Variants in PCGF2 observed in about 807,000 individuals in gnomAD.
PCGF2 encodes polycomb group ring finger 2, also known as polycomb group RING finger protein 2.
A neutral mutation model predicts 36.1 loss-of-function variants in PCGF2; 8 were observed. The observed-to-expected ratio is 0.22, with a 90% CI of 0.13 to 0.40. PCGF2 has a LOEUF of 0.40. Ranked by LOEUF, PCGF2 falls within the 10% of genes least tolerant of loss-of-function variation. PCGF2 has a pLI of 1.00. For missense variants in PCGF2, 436 were observed against 475.9 expected (o/e 0.92, Z 0.78); for synonymous variants, 198 against 191.2 (o/e 1.04, Z -0.29).
intron 2 of PCGF2, among the ~76,000 whole-genome samples, chr17:38,744,052 T>G (rs1907384819): frequency 6.6e-6 from 1 of 152,140 alleles, no homozygotes; most frequent in South Asian, 2.1e-4. Flanking sequence ...GTCCCAACTG[T>G]GTGTCCACCC....
intron 10 of PCGF2, 152 bp from the exon 11 acceptor site, chr17:38,735,752 G>T: frequency 9.2e-7 from 1 of 1,088,158 alleles, no homozygotes. Flanking sequence ...AAGGATACAG[G>T]GTGCATGAAG....
chr17:38,742,341 C>T (rs779157426), intron 2 of PCGF2, among the ~76,000 whole-genome samples: 1 of 152,178 alleles, frequency 6.6e-6, no homozygotes, highest in African/African-American at 2.4e-5. Flanking sequence ...TTTTCTAGGA[C>T]AAGAAATTCA....
rs1484987633 is a variant in PCGF2 at position 38,738,605 on chromosome 17, G to C, written c.426-10C>G. 1.3e-6 allele frequency: 2 copies of C among 1,567,474 alleles called. No individual in the cohort carries two copies. The highest frequency in any genetic ancestry group is 2.4e-5 in the South Asian group (2 of 82,646). On this transcript the variant is annotated splice_polypyrimidine_tract_variant and intron_variant, in intron 7 of 10. Transcript: ENST00000620225. ...CTTCTCGTCCCGGTCCCTGGGGACGGAGAAAGAATGAAGCTAGGAAGACCC... is the reference window on the plus strand; with the variant it reads ...CTTCTCGTCCCGGTCCCTGGGGACGCAGAAAGAATGAAGCTAGGAAGACCC...
chr17:38,738,644 A>G, intron 7 of PCGF2, 49 bp from the exon 8 acceptor site: 1 of 1,554,294 alleles, frequency 6.4e-7, no homozygotes, highest in South Asian at 1.2e-5. Flanking sequence ...AAGAACCAGG[A>G]GACCCAGGAG....
In PCGF2 at chr17:38,737,866, C is replaced by T. The variant is rs565959202; in HGVS notation, c.576+487G>A. 6.8e-5 allele frequency among the ~76,000 whole-genome samples: 10 copies of T among 147,776 alleles called. No homozygotes were observed. The South Asian group carries it at 1.5e-3, about 22-fold the overall frequency. ...GGCGGAGGTTGCAGTGAGCCGAGAT[C>T]GCTCCACTGCACTCTAGCCTGGTGA... On this transcript the variant is annotated intron_variant, in intron 9 of 10. Transcript: ENST00000620225.
rs910485624 is a variant in PCGF2 at position 38,736,035 on chromosome 17, C to T, written c.657+55G>A. On this transcript the variant is annotated intron_variant, in intron 10 of 10. Coordinates refer to ENST00000620225, the MANE Select transcript of PCGF2 (RefSeq NM_007144.3). ...GAAGGGTGGCCCATGTGGCCACAGA[C>T]CTATGCCAGACCCTGTGGGAGTCTG... The T allele has an allele frequency of 2.5e-6, 3 of 1,200,066 alleles. No individual in the cohort carries two copies. In the African/African-American group the frequency reaches 4.5e-5, roughly 18 times the overall value. The allele number at this position is 1,200,066 out of a possible 1,614,324, so 74.3% of individuals were successfully genotyped here. A position where few individuals can be genotyped will look rare whatever the true frequency, so the allele number is the denominator to read the frequency against.
chr17:38,740,204 T>G, intron 3 of PCGF2, 87 bp downstream of exon 3: 3 of 1,218,672 alleles, frequency 2.5e-6, no homozygotes, highest in Non-Finnish European at 3.6e-6. Context: ...GGGCAAGGGT[T>G]TGCGTGCTAC....
At position 38,740,277 on chromosome 17, in the gene PCGF2, T is replaced by TC. The variant is rs747357680; in HGVS notation, c.112+13dup. On this transcript the variant is annotated intron_variant, in intron 3 of 10. Coordinates refer to ENST00000620225, the MANE Select transcript of PCGF2 (RefSeq NM_007144.3). The stretch of plus-strand genomic sequence containing the variant: ...GGCTGCCCACCCTGAGCAGCTCCCC[T>TC]CCCCCCAACTCACAGGAATGCAGGC... 2.3e-5 allele frequency: 37 copies of TC among 1,604,952 alleles called. No homozygotes were observed. The highest frequency in any genetic ancestry group is 1.7e-4 in the Middle Eastern group (1 of 6,056).
chr17:38,735,227 G>A lies in PCGF2; in HGVS notation c.1031C>T (p.Thr344Ile). ...TVNGAPVPPLT is the reference protein window; with the variant it reads ...TVNGAPVPPLI Reference sequence around the variant, plus strand: ...GAAGGGAGAGGGTCCCTGGCCTCAAGTTAAGGGGGGCACGGGAGCGCCGTT... The same window carrying A: ...GAAGGGAGAGGGTCCCTGGCCTCAAATTAAGGGGGGCACGGGAGCGCCGTT... Residue 344 changes from threonine to isoleucine, a missense_variant, in exon 11 of 11, where the codon ACT (threonine) becomes ATT (isoleucine). This residue lies in a region of PCGF2 where 227 missense variants were observed against 212.9 expected (regional missense o/e 1.07). Coordinates refer to ENST00000620225, the MANE Select transcript of PCGF2 (RefSeq NM_007144.3). 1.4e-6 allele frequency: 2 copies of A among 1,427,608 alleles called. No individual in the cohort carries two copies. The highest frequency in any genetic ancestry group is 1.5e-5 in the South Asian group (1 of 65,032). The allele number at this position is 1,427,608 out of a possible 1,614,324, so 88.4% of individuals were successfully genotyped here.
chr17:38,738,891 G>A (rs367547372), intron 6 of PCGF2, 30 bp from the exon 7 acceptor site: 50 of 1,590,184 alleles, frequency 3.1e-5, no homozygotes, highest in East Asian at 8.9e-5. Flanking sequence ...TCGGGTTGGC[G>A]GAGGATGTAG....
At position 38,747,883 on chromosome 17, in the gene PCGF2, G is replaced by C. The variant is rs557764761; in HGVS notation, c.-45C>G. 1 of 152,874 alleles carries C rather than the reference G, an allele frequency of 6.5e-6. No homozygotes were observed. The highest frequency in any genetic ancestry group is 1.9e-4 in the East Asian group (1 of 5,156). 9.5% of individuals were successfully genotyped at this position (152,874 alleles called of 1,614,324 possible). A position where few individuals can be genotyped will look rare whatever the true frequency, so the allele number is the denominator to read the frequency against. ...CCGGACCTTCCCCCTCGCTACCTCG[G>C]AACAGGGTCTGCCCGGGGGCTGCTG... is the stretch of plus-strand genomic sequence containing the variant. On this transcript the variant is annotated 5_prime_UTR_variant, in exon 2 of 11. Transcript: ENST00000620225.
chr17:38,741,180 G>A (rs895996073), intron 2 of PCGF2, among the ~76,000 whole-genome samples: 4 of 151,312 alleles, frequency 2.6e-5, no homozygotes, highest in Non-Finnish European at 5.9e-5. Flanking sequence ...CCTGCCTCAC[G>A]TGATCCCTTG....
intron 2 of PCGF2, among the ~76,000 whole-genome samples, chr17:38,744,155 A>G (rs1907388795): frequency 6.6e-6 from 1 of 152,130 alleles, no homozygotes; most frequent in Admixed American, 6.5e-5. Flanking sequence ...TGTCTTTGCA[A>G]GGGTGTGTGT....
chr17:38,749,755 C>T (rs754531889), upstream of PCGF2: 7 of 453,698 alleles, frequency 1.5e-5, no homozygotes, highest in Non-Finnish European at 3.1e-5. This position sits in a 1 kb window ranked among gnomAD's most constrained non-coding sequence, Gnocchi z 6.5. Flanking sequence ...CGCCCTCTGG[C>T]CGGCGACCAG....
intron 2 of PCGF2, among the ~76,000 whole-genome samples, chr17:38,747,602 C>T (rs1172567468): frequency 6.7e-6 from 1 of 148,366 alleles, no homozygotes; most frequent in Non-Finnish European, 1.5e-5. Flanking sequence ...GAGCGGGGAC[C>T]GGCGGGGGGA....
upstream of PCGF2, among the ~76,000 whole-genome samples, chr17:38,749,022 G>C (rs958817844): frequency 1.3e-5 from 2 of 152,106 alleles, no homozygotes; most frequent in African/African-American, 4.8e-5. This position sits in a 1 kb window ranked among gnomAD's most constrained non-coding sequence, Gnocchi z 6.5. Flanking sequence ...AGGCCGGGTG[G>C]GGGGCCTCGC....
intron 10 of PCGF2, among the ~76,000 whole-genome samples, chr17:38,735,876 C>T (rs939079725): frequency 1.1e-4 from 17 of 152,080 alleles, no homozygotes; most frequent in Admixed American, 1.1e-3. Flanking sequence ...AATCTGGGGA[C>T]ACCGTCTGCC....
chr17:38,746,303 G>A lies in PCGF2; in HGVS notation c.-41+1576C>T, dbSNP rs1174175115. On this transcript the variant is annotated intron_variant, in intron 2 of 10. Coordinates refer to ENST00000620225, the MANE Select transcript of PCGF2 (RefSeq NM_007144.3). ...ACTACACACAAGGCCAGATAGACAC[G>A]CCACAACCCTCCCCCACCCTGCGCC... Among the ~76,000 whole-genome samples, 3 of 148,156 alleles carry A rather than the reference G, an allele frequency of 2.0e-5. No homozygotes were observed. In the East Asian group the frequency reaches 6.0e-4, roughly 29 times the overall value.
In PCGF2 at chr17:38,736,107, T is replaced by A; in HGVS notation, c.640A>T (p.Ile214Phe). 6.3e-7 allele frequency: 1 copy of A among 1,581,188 alleles called. No individual in the cohort carries two copies. Among genetic ancestry groups the A allele is most frequent in the East Asian group, 2.3e-5 (1 of 43,710 alleles). ...EYYTLMDIAY[I>F]YPWRRNGPLP... ...TGGCTCACCCGCCGCCAGGGGTAGATGTAGGCGATGTCCATGAGGGTGTAG... is the reference window on the plus strand; with the variant it reads ...TGGCTCACCCGCCGCCAGGGGTAGAAGTAGGCGATGTCCATGAGGGTGTAG... The change falls in exon 10 of 11, where the codon ATC (isoleucine) becomes TTC (phenylalanine). Residue 214 changes from isoleucine (I) to phenylalanine (F), a missense_variant. Transcript: ENST00000620225.
Sources: allele counts gnomAD v4.1 joint callset (sites outside exome capture counted in the v4.1 genomes callset), GRCh38; gene constraint gnomAD v4.1.1; regional missense constraint gnomAD v4.1.1; non-coding constraint Gnocchi (gnomAD v3.1); transcripts MANE v1.5; gene names NCBI Gene and HGNC (gene_info 2026-07-23, HGNC 2026-07-21).